RGS9: variants seen among roughly 807,000 people sequenced by gnomAD.
RGS9 encodes the protein regulator of G protein signaling 9.
RGS9 carries 78 observed loss-of-function variants against 102.0 expected under a neutral mutation model. That is an observed-to-expected ratio of 0.76 (90% CI 0.64 to 0.92). The LOEUF is 0.92. Among genes scored for constraint, RGS9 ranks in the 40% least tolerant of loss-of-function variants. The probability of loss-of-function intolerance (pLI) is 0.00; values close to 1 mark genes in which losing one functional copy is unlikely to be tolerated. For synonymous variants in RGS9, 353 were observed against 318.6 expected (o/e 1.11, Z -1.15); for missense variants, 833 against 866.1 (o/e 0.96, Z 0.48).
At chr17:65,199,772 G>A (rs956140734) in intron 13 of RGS9, among the ~76,000 whole-genome samples, 8 of 152,136 alleles carry the variant, frequency 5.3e-5, no homozygotes, top group Non-Finnish European at 1.2e-4. Flanking sequence ...GGGATTACAG[G>A]CGTGAGCCAC....
Position 65,169,611 on chromosome 17 carries a change from G to A in RGS9, c.582+1330G>A, listed in dbSNP as rs538082986. ...AAGAACGGCTTCTATATTATGTGCA[G>A]AGACTCCTCACTGTGCGAATGCCTA... On this transcript the variant is annotated intron_variant, in intron 8 of 18. Coordinates refer to ENST00000262406, the MANE Select transcript of RGS9 (RefSeq NM_003835.4). Among the ~76,000 whole-genome samples, 8 of 152,338 alleles carry A rather than the reference G, an allele frequency of 5.3e-5. No individual in the cohort carries two copies. In the East Asian group the frequency reaches 1.5e-3, roughly 29 times the overall value.
At chr17:65,180,669 CT>C (rs1432553997) in intron 9 of RGS9, among the ~76,000 whole-genome samples, 2 of 152,108 alleles carry the variant, frequency 1.3e-5, no homozygotes, top group Admixed American at 6.5e-5. Context: ...TCTTTTTAAA[CT>C]TTTATTTTAG....
chr17:65,156,373 C>T (rs949407925), intron 2 of RGS9, among the ~76,000 whole-genome samples: 4 of 152,236 alleles, frequency 2.6e-5, no homozygotes, highest in Non-Finnish European at 4.4e-5. Flanking sequence ...TGCTTTCCTT[C>T]CCTGCACACG....
chr17:65,149,138 TG>T (rs11289285), intron 1 of RGS9, among the ~76,000 whole-genome samples: 51,692 of 149,442 alleles, frequency 0.35, 12,687 homozygotes, highest in African/African-American at 0.71. Context: ...GTTTTTTTTT[TG>T]TTGTTGTTAT....
Position 65,160,520 on chromosome 17 carries a change from C to T in RGS9, c.313-16C>T. On this transcript the variant is annotated splice_polypyrimidine_tract_variant and intron_variant, in intron 4 of 18. Coordinates refer to ENST00000262406, the MANE Select transcript of RGS9 (RefSeq NM_003835.4). ...AATCCAGTTTTAAAGCGTGGTTTCC[C>T]TGGTTTCTTTTGCAGACACCGTATT... The T allele has an allele frequency of 3.1e-6, 5 of 1,614,178 alleles. No individual in the cohort carries two copies. Among genetic ancestry groups the T allele is most frequent in the Non-Finnish European group, 3.4e-6 (4 of 1,180,004 alleles).
chr17:65,197,308 C>G, intron 13 of RGS9, 67 bp downstream of exon 13: 1 of 1,067,080 alleles, frequency 9.4e-7, no homozygotes, highest in Non-Finnish European at 1.4e-6. Flanking sequence ...TAATGTCTAG[C>G]CTAGGGTTTG....
chr17:65,190,058 TG>T, intron 10 of RGS9, 116 bp from the exon 11 acceptor site: 1 of 839,502 alleles, frequency 1.2e-6, no homozygotes, highest in Non-Finnish European at 2.1e-6. Flanking sequence ...GGGCTGGCTC[TG>T]GGCATGGAAC....
At chr17:65,156,633 G>C (rs531342184) in intron 2 of RGS9, among the ~76,000 whole-genome samples, 1 of 152,238 alleles carries the variant, frequency 6.6e-6, no homozygotes, top group Non-Finnish European at 1.5e-5. Context: ...AGACCGCGTG[G>C]TACAGATGCT....
In RGS9 at chr17:65,197,192, C is replaced by A; in HGVS notation, c.927C>A (p.Asp309Glu). 6.2e-7 allele frequency: 1 copy of A among 1,613,954 alleles called. No homozygotes were observed. Among genetic ancestry groups the A allele is most frequent in the South Asian group, 1.1e-5 (1 of 91,014 alleles). The change falls in exon 13 of 19, where the codon GAC (aspartate) becomes GAA (glutamate). Residue 309 changes from aspartate (D) to glutamate (E), a missense_variant. Physicochemically the swap from Asp to Glu is conservative, Grantham distance 45. This residue lies in a region of RGS9 where 185 missense variants were observed against 248.7 expected (regional missense o/e 0.74). Coordinates refer to ENST00000262406, the MANE Select transcript of RGS9 (RefSeq NM_003835.4). ...WAFNFSELIRDPKGRQSFQYF... is the reference protein window; with the variant it reads ...WAFNFSELIREPKGRQSFQYF... Reference sequence around the variant, plus strand: ...TCAACTTCAGCGAATTGATCCGAGACCCCAAAGGTCGACAGAGCTTCCAGT... The same window carrying A: ...TCAACTTCAGCGAATTGATCCGAGAACCCAAAGGTCGACAGAGCTTCCAGT...
At chr17:65,146,417 G>A (rs898746156) in intron 1 of RGS9, among the ~76,000 whole-genome samples, 10 of 151,502 alleles carry the variant, frequency 6.6e-5, no homozygotes, top group African/African-American at 1.2e-4. Context: ...GTGAAACCCC[G>A]TCTCTACTAA....
At chr17:65,187,283 A>T (rs1912160789) in intron 9 of RGS9, among the ~76,000 whole-genome samples, 1 of 152,186 alleles carries the variant, frequency 6.6e-6, no homozygotes, top group African/African-American at 2.4e-5. Flanking sequence ...CTTCATGTTG[A>T]TTCATACATT....
At chr17:65,193,897 A>G (rs1441834394) in intron 12 of RGS9, among the ~76,000 whole-genome samples, 1 of 152,098 alleles carries the variant, frequency 6.6e-6, no homozygotes, top group East Asian at 1.9e-4. Flanking sequence ...TTTCCTATCA[A>G]TGGCATCACT....
intron 1 of RGS9, among the ~76,000 whole-genome samples, chr17:65,143,299 G>A (rs571149741): frequency 6.6e-6 from 1 of 152,278 alleles, no homozygotes; most frequent in East Asian, 1.9e-4. Context: ...ACTGTTGAGA[G>A]CCCTGGGCTA....
At chr17:65,190,350 T>A (rs1265215827) in intron 11 of RGS9, 114 bp downstream of exon 11, 3 of 874,168 alleles carry the variant, frequency 3.4e-6, no homozygotes, top group Non-Finnish European at 5.9e-6. Context: ...AGCAGAACTG[T>A]GAGGGACAAA....
intron 1 of RGS9, among the ~76,000 whole-genome samples, chr17:65,147,800 G>A (rs942705633): frequency 6.6e-6 from 1 of 151,526 alleles, no homozygotes; most frequent in African/African-American, 2.4e-5. Context: ...CATGTTGGCC[G>A]GGCTGGTGTC....
At position 65,225,165 on chromosome 17, in the gene RGS9, C is replaced by T. The variant is rs1905585172; in HGVS notation, c.1571C>T (p.Ser524Leu). ...CGACCCAGCACCACCATCTGCCCCTCACCCATCAGAGTGGCCTTGGAGAGC... is the reference window on the plus strand; with the variant it reads ...CGACCCAGCACCACCATCTGCCCCTTACCCATCAGAGTGGCCTTGGAGAGC... Reference protein sequence around the residue: ...IRRPSTTICPSPIRVALESSS... With the variant: ...IRRPSTTICPLPIRVALESSS... The change falls in exon 18 of 19, where the codon TCA becomes TTA. Residue 524 changes from serine to leucine, a missense_variant. Transcript: ENST00000262406. The T allele has an allele frequency of 1.9e-6, 3 of 1,613,612 alleles. No individual in the cohort carries two copies. The highest frequency in any genetic ancestry group is 1.7e-5 in the Admixed American group (1 of 60,016).
chr17:65,172,363 C>A (rs1911452578), intron 8 of RGS9, among the ~76,000 whole-genome samples: 1 of 152,048 alleles, frequency 6.6e-6, no homozygotes, highest in African/African-American at 2.4e-5. Flanking sequence ...GCCACCACAC[C>A]TGGCTAATTT....
chr17:65,193,261 A>AG lies in RGS9; in HGVS notation c.747-282_747-281insG, dbSNP rs1171519092. Among the ~76,000 whole-genome samples the AG allele has an allele frequency of 3.3e-3, 509 of 151,946 alleles. 2 individuals are homozygous for AG. Among genetic ancestry groups the AG allele is most frequent in the Non-Finnish European group, 5.4e-3 (369 of 67,970 alleles). On this transcript the variant is annotated intron_variant, in intron 11 of 18. Coordinates refer to ENST00000262406, the MANE Select transcript of RGS9 (RefSeq NM_003835.4). ...ACTCCAGCTTGGCTGTCTCAAAAAA[A>AG]AAAAAAAAAGAAAAAAAAGAAAAAG...
At chr17:65,161,919 A>G (rs935282636) in intron 6 of RGS9, among the ~76,000 whole-genome samples, 1 of 151,144 alleles carries the variant, frequency 6.6e-6, no homozygotes, top group African/African-American at 2.4e-5. Context: ...GCTAGTCTCA[A>G]ACTCCTGGGC....
Sources: gnomAD v4.1 joint callset for allele counts (sites outside exome capture counted in the v4.1 genomes callset) on GRCh38, gnomAD v4.1.1 for gene constraint, gnomAD v4.1.1 regional missense constraint, MANE v1.5 for transcripts, NCBI Gene and HGNC (gene_info 2026-07-23, HGNC 2026-07-21) for gene names.